The following CSMD1 variants were observed in gnomAD, a reference collection of about 807,000 sequenced individuals.
CSMD1 encodes the protein CUB and sushi domain-containing protein 1.
CSMD1 carries 213 observed loss-of-function variants against 417.5 expected under a neutral mutation model. That is an observed-to-expected ratio of 0.51 (90% CI 0.46 to 0.57). The LOEUF is 0.57. CSMD1 is among the 20% of genes least tolerant of loss of function. The probability of loss-of-function intolerance (pLI) is 0.00; values close to 1 mark genes in which losing one functional copy is unlikely to be tolerated. For synonymous variants in CSMD1, 2,862 were observed against 1,736.8 expected (o/e 1.65, Z -16.11); for missense variants, 6,923 against 4,529.7 (o/e 1.53, Z -15.17).
At chr8:4,168,727 C>G (rs1797595836) in intron 3 of CSMD1, among the ~76,000 whole-genome samples, 1 of 152,182 alleles carries the variant, frequency 6.6e-6, no homozygotes. Context: ...GAACCCAACT[C>G]TTAGACCTCA....
chr8:3,460,977 T>C (rs577367306), intron 12 of CSMD1, among the ~76,000 whole-genome samples: 2 of 152,238 alleles, frequency 1.3e-5, no homozygotes, highest in Admixed American at 1.3e-4. Context: ...AATAAGTTTG[T>C]TCTTTAGCAT....
At chr8:4,303,405 A>G (rs1798082550) in intron 3 of CSMD1, among the ~76,000 whole-genome samples, 1 of 133,384 alleles carries the variant, frequency 7.5e-6, no homozygotes, top group Non-Finnish European at 1.6e-5. Flanking sequence ...TCTCATTTAT[A>G]TATTGGGCAG....
chr8:3,718,481 CAG>C (rs1801965223), intron 6 of CSMD1, among the ~76,000 whole-genome samples: 1 of 152,198 alleles, frequency 6.6e-6, no homozygotes, highest in African/African-American at 2.4e-5. Context: ...CCAGGAAAGA[CAG>C]AGGTACTTAC....
chr8:3,828,990 G>C (rs888805538), intron 5 of CSMD1, among the ~76,000 whole-genome samples: 1 of 152,028 alleles, frequency 6.6e-6, no homozygotes, highest in African/African-American at 2.4e-5. Flanking sequence ...TTTTACCCCA[G>C]CTGTTTCCTC....
intron 5 of CSMD1, among the ~76,000 whole-genome samples, chr8:3,791,587 G>C (rs1799744310): frequency 6.6e-6 from 1 of 152,194 alleles, no homozygotes; most frequent in Non-Finnish European, 1.5e-5. Flanking sequence ...ACTTTGGGAG[G>C]CCTAGGAGGG....
intron 43 of CSMD1, among the ~76,000 whole-genome samples, chr8:3,109,037 G>A (rs556863878): frequency 6.6e-6 from 1 of 152,184 alleles, no homozygotes; most frequent in South Asian, 2.1e-4. Flanking sequence ...GGCCAAGGCA[G>A]GCAGATCACC....
chr8:3,578,207 T>A (rs1283704627), intron 9 of CSMD1, among the ~76,000 whole-genome samples: 1 of 152,144 alleles, frequency 6.6e-6, no homozygotes, highest in Non-Finnish European at 1.5e-5. Flanking sequence ...AAAAATTAGG[T>A]ATTTGGAAAA....
rs184904198 is a variant in CSMD1, at chr8:3,487,558, G to C, written c.1448+6065C>G. ...TAGCATATATAAATCGATACATCTA[G>C]TCACAAGGAGGGTATTCTACATCCA... On this transcript the variant is annotated intron_variant, in intron 11 of 69. Coordinates refer to ENST00000635120, the MANE Select transcript of CSMD1 (RefSeq NM_033225.6). 6.7e-4 allele frequency among the ~76,000 whole-genome samples: 102 copies of C among 152,276 alleles called. 1 individual carries two copies. The highest frequency in any genetic ancestry group is 2.3e-3 in the African/African-American group (97 of 41,542).
At chr8:3,144,847 G>A (rs1818743864) in intron 40 of CSMD1, among the ~76,000 whole-genome samples, 1 of 150,116 alleles carries the variant, frequency 6.7e-6, no homozygotes, top group South Asian at 2.1e-4. Flanking sequence ...GGGGGTCCAG[G>A]GGCTCCTGTG....
At chr8:3,614,854 G>C (rs560437228) in intron 8 of CSMD1, among the ~76,000 whole-genome samples, 1 of 152,266 alleles carries the variant, frequency 6.6e-6, no homozygotes, top group South Asian at 2.1e-4. Flanking sequence ...AGATGTGTGA[G>C]CACATCGTGA....
intron 1 of CSMD1, among the ~76,000 whole-genome samples, chr8:4,708,103 T>G (rs1254654397): frequency 6.8e-6 from 1 of 147,178 alleles, no homozygotes; most frequent in Non-Finnish European, 1.5e-5. Flanking sequence ...GCCAATACAC[T>G]GGCTAATTTT....
chr8:4,360,469 T>C, intron 3 of CSMD1, among the ~76,000 whole-genome samples: 1 of 152,138 alleles, frequency 6.6e-6, no homozygotes, highest in East Asian at 1.9e-4. Context: ...CATAACCTCT[T>C]TTTTCTTGCA....
intron 18 of CSMD1, among the ~76,000 whole-genome samples, chr8:3,379,374 C>A (rs941756810): frequency 1.3e-5 from 2 of 152,176 alleles, no homozygotes. Flanking sequence ...CATTGACTTT[C>A]TTCATTGAAT....
chr8:4,155,360 C>A (rs1796776841), intron 3 of CSMD1, among the ~76,000 whole-genome samples: 1 of 152,154 alleles, frequency 6.6e-6, no homozygotes, highest in South Asian at 2.1e-4. Flanking sequence ...TAAACAGCCA[C>A]GCTGCTTCTA....
intron 2 of CSMD1, among the ~76,000 whole-genome samples, chr8:4,447,611 C>T (rs1440888667): frequency 6.6e-6 from 1 of 152,206 alleles, no homozygotes; most frequent in South Asian, 2.1e-4. Context: ...ATACTTCCCA[C>T]TTGACTAAGC....
intron 1 of CSMD1, among the ~76,000 whole-genome samples, chr8:4,727,099 G>A (rs1227016556): frequency 6.6e-6 from 1 of 152,074 alleles, no homozygotes; most frequent in African/African-American, 2.4e-5. Context: ...AGTAGGGTGA[G>A]GAAGCTGAGG....
rs976005053 is a variant in CSMD1, at chr8:3,308,330, G to C, written c.3805C>G (p.Pro1269Ala). 1.9e-6 allele frequency: 3 copies of C among 1,611,338 alleles called. No homozygotes were observed. The highest frequency in any genetic ancestry group is 1.1e-5 in the South Asian group (1 of 90,910). The stretch of plus-strand genomic sequence containing the variant: ...CACTCACCTATGCACGAAGGTAGTG[G>C]TTTGTCCCACACTCTCCTGTCTCCA... ...LSGDRRVWDKPLPSCIAECGG... is the reference protein window; with the variant it reads ...LSGDRRVWDKALPSCIAECGG... The change falls in exon 24 of 70, where the codon CCA becomes GCA. Residue 1269 changes from proline to alanine, a missense_variant. Physicochemically the swap from Pro to Ala is conservative, Grantham distance 27. Transcript: ENST00000635120.
intron 3 of CSMD1, among the ~76,000 whole-genome samples, chr8:4,294,454 A>G (rs1364581024): frequency 6.6e-6 from 1 of 152,172 alleles, no homozygotes; most frequent in East Asian, 1.9e-4. Context: ...GCAGGCAATG[A>G]TAATGATCTA....
At chr8:3,345,393 G>A (rs1165766709) in intron 22 of CSMD1, among the ~76,000 whole-genome samples, 1 of 152,024 alleles carries the variant, frequency 6.6e-6, no homozygotes, top group East Asian at 1.9e-4. Context: ...TCCAACCACC[G>A]AAACCCCAGA....
Sources: gnomAD v4.1 joint callset for allele counts (sites outside exome capture counted in the v4.1 genomes callset) on GRCh38, gnomAD v4.1.1 for gene constraint, MANE v1.5 for transcripts, NCBI Gene and HGNC (gene_info 2026-07-23, HGNC 2026-07-21) for gene names.